ARHGEF11: variants seen among roughly 807,000 people sequenced by gnomAD.
ARHGEF11 encodes Rho guanine nucleotide exchange factor 11, also known as Rho guanine exchange factor (GEF) 11.
A neutral mutation model predicts 193.7 loss-of-function variants in ARHGEF11; 55 were observed. The ratio of observed to expected loss-of-function variants is 0.28; its 90% CI spans 0.23 to 0.36. The LOEUF is 0.36. Ranked by LOEUF, ARHGEF11 falls within the 10% of genes least tolerant of loss-of-function variation. ARHGEF11 has a pLI of 1.00. For missense variants in ARHGEF11, 1,723 were observed against 2,005.6 expected (o/e 0.86, Z 2.69); for synonymous variants, 693 against 768.0 (o/e 0.90, Z 1.62).
chr1:156,940,179 GC>G (rs1256561544), intron 36 of ARHGEF11, 27 bp downstream of exon 36: 16 of 1,541,618 alleles, frequency 1.0e-5, no homozygotes, highest in Non-Finnish European at 1.3e-5. Flanking sequence ...GGGACCAGGG[GC>G]TGACGGCAGG....
intron 31 of ARHGEF11, 35 bp from the exon 32 acceptor site, chr1:156,944,137 G>A: frequency 1.2e-6 from 2 of 1,603,542 alleles, no homozygotes; most frequent in African/African-American, 2.7e-5. Context: ...GTGTTCCCTG[G>A]TGCCTACTCA....
chr1:157,031,785 G>A (rs1479321679), intron 1 of ARHGEF11, among the ~76,000 whole-genome samples: 1 of 152,190 alleles, frequency 6.6e-6, no homozygotes, highest in East Asian at 1.9e-4. Flanking sequence ...AGCCATAGTG[G>A]TGGTGTGGAC....
Position 156,958,959 on chromosome 1 carries a change from A to T in ARHGEF11, c.1379+87T>A, listed in dbSNP as rs1030371814. 2.5e-6 allele frequency: 4 copies of T among 1,608,338 alleles called. No individual in the cohort carries two copies. In the African/African-American group the frequency reaches 5.3e-5, roughly 22 times the overall value. On this transcript the variant is annotated intron_variant, in intron 16 of 40. Transcript: ENST00000368194. ...ACAAGACAAACACATATAACAAGAG[A>T]TATGTGCACGTCCCAGAGGGAAGGA...
intron 8 of ARHGEF11, among the ~76,000 whole-genome samples, chr1:156,971,292 G>A (rs570323887): frequency 3.3e-5 from 5 of 152,318 alleles, no homozygotes. Flanking sequence ...TCTTTGAGAA[G>A]ACTCATTACT....
At chr1:156,946,571 G>C (rs746828113) in intron 28 of ARHGEF11, 91 bp downstream of exon 28, 105 of 1,573,016 alleles carry the variant, frequency 6.7e-5, no homozygotes, top group Non-Finnish European at 8.4e-5. Flanking sequence ...GCTGTAGACA[G>C]GGATGATGTG....
intron 7 of ARHGEF11, among the ~76,000 whole-genome samples, chr1:156,975,267 G>C (rs959389318): frequency 2.6e-5 from 4 of 152,186 alleles, no homozygotes; most frequent in Non-Finnish European, 5.9e-5. Flanking sequence ...AGAAGTGGTA[G>C]GTCATTGTCA....
chr1:156,942,488 A>C (rs970353467), intron 33 of ARHGEF11, among the ~76,000 whole-genome samples: 3 of 152,256 alleles, frequency 2.0e-5, no homozygotes, highest in Non-Finnish European at 4.4e-5. Context: ...TCATTCTCCC[A>C]GAAGCGGGCC....
chr1:156,938,330 G>C, intron 38 of ARHGEF11, 88 bp downstream of exon 38: 1 of 1,265,334 alleles, frequency 7.9e-7, no homozygotes, highest in Non-Finnish European at 1.1e-6. Context: ...GGGTGTGTGT[G>C]TGACCATGGG....
chr1:157,009,681 G>T (rs763211035), intron 1 of ARHGEF11, among the ~76,000 whole-genome samples: 1 of 152,106 alleles, frequency 6.6e-6, no homozygotes, highest in African/African-American at 2.4e-5. Flanking sequence ...CTAAACACAG[G>T]ACTCCTTACT....
intron 1 of ARHGEF11, among the ~76,000 whole-genome samples, chr1:157,028,360 T>C (rs1169677532): frequency 1.3e-5 from 2 of 152,234 alleles, no homozygotes; most frequent in African/African-American, 2.4e-5. Flanking sequence ...ATTATTTTTA[T>C]TTAATCTTCA....
intron 36 of ARHGEF11, 148 bp from the exon 37 acceptor site, chr1:156,940,058 G>T: frequency 7.0e-7 from 1 of 1,418,968 alleles, no homozygotes; most frequent in Non-Finnish European, 9.4e-7. Context: ...TGGGGGTTGG[G>T]TGGGGAATGA....
At chr1:156,988,018 C>T (rs1273790526) in intron 1 of ARHGEF11, among the ~76,000 whole-genome samples, 1 of 152,176 alleles carries the variant, frequency 6.6e-6, no homozygotes, top group African/African-American at 2.4e-5. Context: ...TAGAACCTCC[C>T]CACTGTACTT....
At chr1:156,950,793 T>TC (rs1310043746) in intron 22 of ARHGEF11, among the ~76,000 whole-genome samples, 2 of 152,120 alleles carry the variant, frequency 1.3e-5, no homozygotes, top group African/African-American at 4.8e-5. Context: ...AAGCATTATT[T>TC]CCCCCCACAC....
rs201702443 is a variant in ARHGEF11 at position 156,941,944 on chromosome 1, G to A, written c.3372C>T (p.His1124=). The change falls in exon 34 of 41, where the codon CAC becomes CAT. Residue 1124 remains histidine (H), a synonymous_variant. Coordinates refer to ENST00000368194, the MANE Select transcript of ARHGEF11 (RefSeq NM_198236.3). The part of the protein sequence containing the change: ...LEEAVRNATR[H]PGAAPMPVHP... ...GGACGGGCATTGGGGCAGCTCCGGG[G>A]TGCCTGGTGGCATTCCGCACGGCCT... The A allele has an allele frequency of 8.1e-6, 13 of 1,614,126 alleles. No individual in the cohort carries two copies. Among genetic ancestry groups the A allele is most frequent in the African/African-American group, 1.3e-5 (1 of 75,006 alleles).
In ARHGEF11 at chr1:156,944,112, T is replaced by C. The variant is rs1025225232; in HGVS notation, c.3068-10A>G. The C allele has an allele frequency of 1.2e-6, 2 of 1,612,160 alleles. No individual in the cohort carries two copies. Among genetic ancestry groups the C allele is most frequent in the Non-Finnish European group, 1.7e-6 (2 of 1,178,968 alleles). ...AGCAGCACGTGGAGGTCTGGAGGGG[T>C]ATGGTCATGGGAAGGTGTTCCCTGG... is the stretch of plus-strand genomic sequence containing the variant. On this transcript the variant is annotated splice_polypyrimidine_tract_variant and intron_variant, in intron 31 of 40. Transcript: ENST00000368194.
chr1:156,983,223 T>C (rs1456626929), intron 3 of ARHGEF11, among the ~76,000 whole-genome samples: 1 of 152,098 alleles, frequency 6.6e-6, no homozygotes, highest in Non-Finnish European at 1.5e-5. Flanking sequence ...TTTTTTTTGT[T>C]TTTTGTTTTT....
chr1:157,029,650 C>T (rs1671062763), intron 1 of ARHGEF11, among the ~76,000 whole-genome samples: 1 of 152,076 alleles, frequency 6.6e-6, no homozygotes, highest in Non-Finnish European at 1.5e-5. Context: ...AGGTATACAC[C>T]CAAGAGAAAT....
intron 1 of ARHGEF11, among the ~76,000 whole-genome samples, chr1:157,004,375 G>A (rs762940136): frequency 2.0e-5 from 3 of 152,134 alleles, no homozygotes; most frequent in African/African-American, 7.2e-5. Context: ...CATCCCAGGC[G>A]GAAACCCCAA....
intron 5 of ARHGEF11, 77 bp downstream of exon 5, chr1:156,979,152 C>G: frequency 7.1e-7 from 1 of 1,408,382 alleles, no homozygotes; most frequent in Admixed American, 1.7e-5. Context: ...AATGCCAGGC[C>G]TGACCTTTCC....
Sources: gnomAD v4.1 joint callset for allele counts (sites outside exome capture counted in the v4.1 genomes callset) on GRCh38, gnomAD v4.1.1 for gene constraint, MANE v1.5 for transcripts, NCBI Gene and HGNC (gene_info 2026-07-23, HGNC 2026-07-21) for gene names.